Variants in KLK11 observed in about 807,000 individuals in gnomAD.
KLK11 encodes the protein kallikrein related peptidase 11, also known as kallikrein-11.
A neutral mutation model predicts 23.4 loss-of-function variants in KLK11; 10 were observed. The ratio of observed to expected loss-of-function variants is 0.43; its 90% CI spans 0.26 to 0.73. KLK11 has a LOEUF of 0.73. Among genes scored for constraint, KLK11 ranks in the 30% least tolerant of loss-of-function variants. The pLI is 0.22. For synonymous variants in KLK11, 131 were observed against 131.7 expected, an observed-to-expected ratio of 0.99 and a Z score of 0.03; for missense variants, 285 against 327.8, an observed-to-expected ratio of 0.87 and a Z score of 1.01.
chr19:51,023,438 G>T, intron 4 of KLK11: 1 of 520,470 alleles, frequency 1.9e-6, no homozygotes, highest in East Asian at 3.6e-5. Flanking sequence ...AGGCTGGAGT[G>T]CAGTGGCGTG....
At position 51,022,831 on chromosome 19, in the gene KLK11, C is replaced by T. The variant is rs184561565; in HGVS notation, c.601-134G>A. 2.1e-3 allele frequency: 2,221 copies of T among 1,075,248 alleles called. 6 individuals are homozygous for T. Among genetic ancestry groups the T allele is most frequent in the South Asian group, 2.9e-3 (194 of 68,028 alleles). The allele number at this position is 1,075,248 out of a possible 1,614,324, so 66.6% of individuals were successfully genotyped here. A position where few individuals can be genotyped will look rare whatever the true frequency, so the allele number is the denominator to read the frequency against. ...GCACTGGGAAAGGTGATAGGTTTAG[C>T]GATAAAGCTGGGATTATGGGTGGGA... is the stretch of plus-strand genomic sequence containing the variant. On this transcript the variant is annotated intron_variant, in intron 5 of 5. Transcript: ENST00000453757.
rs377099292 is a variant in KLK11, at chr19:51,025,718, G to C, written c.-35-52C>G. ...GCATCACTTTACGGGGAAATCGGGA[G>C]GGGGGGGCTGGCTCATGCCCTCTCC... On this transcript the variant is annotated intron_variant, in intron 1 of 5. Coordinates refer to ENST00000453757, the MANE Select transcript of KLK11 (RefSeq NM_001136032.3). The surrounding 1 kb of genome is among the most constrained non-coding windows in gnomAD (Gnocchi z 6.2). 9 of 708,038 alleles carry C rather than the reference G, an allele frequency of 1.3e-5. No homozygotes were observed. Among genetic ancestry groups the C allele is most frequent in the Admixed American group, 1.1e-4 (4 of 36,084 alleles). The allele number at this position is 708,038 out of a possible 1,614,324, so 43.9% of individuals were successfully genotyped here.
Position 51,025,601 on chromosome 19 carries a change from G to C in KLK11, c.31C>G (p.Leu11Val). Residue 11 changes from leucine (L) to valine (V), a missense_variant, in exon 2 of 6, where the codon CTG (leucine) becomes GTG (valine). Leu to Val is a conservative substitution (Grantham distance 32, BLOSUM62 1). Coordinates refer to ENST00000453757, the MANE Select transcript of KLK11 (RefSeq NM_001136032.3). This position sits in a 1 kb window ranked among gnomAD's most constrained non-coding sequence, Gnocchi z 6.2. Reference sequence around the variant, plus strand: ...CCCATCCCCTGCGTACCTGTTGCCAGAGCAAGCAGGATTAACTGCAGAATC... The same window carrying C: ...CCCATCCCCTGCGTACCTGTTGCCACAGCAAGCAGGATTAACTGCAGAATC... MRILQLILLA[L>V]ATGLVGGETR... The C allele has an allele frequency of 1.3e-6, 2 of 1,583,864 alleles. No homozygotes were observed. The highest frequency in any genetic ancestry group is 1.7e-6 in the Non-Finnish European group (2 of 1,164,380).
chr19:51,026,188 C>T (rs1459103963), intron 1 of KLK11, among the ~76,000 whole-genome samples: 1 of 152,008 alleles, frequency 6.6e-6, no homozygotes, highest in Non-Finnish European at 1.5e-5. Context: ...TCTGGGACCC[C>T]CATCACCCGG....
chr19:51,027,495 C>T (rs145388450), upstream of KLK11: 27 of 1,613,988 alleles, frequency 1.7e-5, no homozygotes, highest in South Asian at 1.3e-4. Context: ...CTTCCAGTCC[C>T]GCAGCCACCT....
In KLK11 at chr19:51,024,453, C is replaced by G. The variant is rs1294396674; in HGVS notation, c.198-143G>C. Reference sequence around the variant, plus strand: ...CTCCCACCGAAGCCCCCTTCCCAGCCATAGCCCCATCCCAACCCCATTCAT... The same window carrying G: ...CTCCCACCGAAGCCCCCTTCCCAGCGATAGCCCCATCCCAACCCCATTCAT... On this transcript the variant is annotated intron_variant, in intron 3 of 5. Coordinates refer to ENST00000453757, the MANE Select transcript of KLK11 (RefSeq NM_001136032.3). This position sits in a 1 kb window ranked among gnomAD's most constrained non-coding sequence, Gnocchi z 6.2. The G allele has an allele frequency of 1.4e-6, 2 of 1,398,048 alleles. No individual in the cohort carries two copies. Among genetic ancestry groups the G allele is most frequent in the African/African-American group, 2.8e-5 (2 of 70,292 alleles). 86.6% of individuals were successfully genotyped at this position (1,398,048 alleles called of 1,614,324 possible).
chr19:51,027,035 T>C (rs570520819), upstream of KLK11: 216 of 175,102 alleles, frequency 1.2e-3, no homozygotes, highest in African/African-American at 4.8e-3. Context: ...CTTTCTCTAA[T>C]TCCTTCTATC....
At chr19:51,023,887 T>G in intron 4 of KLK11, 158 bp downstream of exon 4, 1 of 607,610 alleles carries the variant, frequency 1.6e-6, no homozygotes, top group Middle Eastern at 4.5e-4. Flanking sequence ...AGGCCCCAAC[T>G]TTTGTCCCCA....
At chr19:51,027,470 A>T, upstream of KLK11, 1 of 1,613,486 alleles carries the variant, frequency 6.2e-7, no homozygotes, top group Non-Finnish European at 8.5e-7. Flanking sequence ...CTGCTGTGAG[A>T]CCTCTGCCCG....
chr19:51,024,746 G>A lies in KLK11; in HGVS notation c.89C>T (p.Pro30Leu). Residue 30 changes from proline (P) to leucine (L), a missense_variant, in exon 3 of 6, where the codon CCT (proline) becomes CTT (leucine). By Grantham distance (98) the Pro-to-Leu change is moderately conservative (BLOSUM62 -3). Coordinates refer to ENST00000453757, the MANE Select transcript of KLK11 (RefSeq NM_001136032.3). This position sits in a 1 kb window ranked among gnomAD's most constrained non-coding sequence, Gnocchi z 6.2. ...GGCTGCCTGCCAGGGCTGGGAGTGA[G>A]GCTTGCACTCGAACCCCTTGATGAT... ...TRIIKGFECKPHSQPWQAALF... is the reference protein window; with the variant it reads ...TRIIKGFECKLHSQPWQAALF... 1 of 1,603,286 alleles carries A rather than the reference G, an allele frequency of 6.2e-7. No individual in the cohort carries two copies. Among genetic ancestry groups the A allele is most frequent in the Non-Finnish European group, 8.5e-7 (1 of 1,176,682 alleles).
chr19:51,024,785 C>T lies in KLK11; in HGVS notation c.50G>A (p.Gly17Glu), dbSNP rs3745539. 0.074 allele frequency: 116,898 copies of T among 1,582,502 alleles called. 4,620 individuals are homozygous for T. Among genetic ancestry groups the T allele is most frequent in the East Asian group, 0.12 (4,975 of 42,818 alleles). ...CCCCTTGATGATCCTGGTCTCTCCC[C>T]CTACAAGCCCTGGAGGGGGTGAGAG... ...ILLALATGLV[G>E]GETRIIKGFE... is the part of the protein sequence containing the mutation. Residue 17 changes from glycine to glutamate, a missense_variant, in exon 3 of 6, where the codon GGG becomes GAG. Transcript: ENST00000453757. This position sits in a 1 kb window ranked among gnomAD's most constrained non-coding sequence, Gnocchi z 6.2.
At position 51,025,504 on chromosome 19, in the gene KLK11, C is replaced by G. The variant is rs1183014503; in HGVS notation, c.40+88G>C. ...TATGGGTTGTTCTGTAATTTGGAAT[C>G]AGCCCTGTCACTGTCCAGACACAGA... On this transcript the variant is annotated intron_variant, in intron 2 of 5. Coordinates refer to ENST00000453757, the MANE Select transcript of KLK11 (RefSeq NM_001136032.3). The surrounding 1 kb of genome is among the most constrained non-coding windows in gnomAD (Gnocchi z 6.2). The G allele has an allele frequency of 2.3e-6, 2 of 852,824 alleles. No homozygotes were observed. Among genetic ancestry groups the G allele is most frequent in the Non-Finnish European group, 3.5e-6 (2 of 573,024 alleles). 52.8% of individuals were successfully genotyped at this position (852,824 alleles called of 1,614,324 possible).
Position 51,025,930 on chromosome 19 carries a change from G to A in KLK11, c.-35-264C>T. 3.2e-6 allele frequency: 1 copy of A among 315,466 alleles called. No homozygotes were observed. Among genetic ancestry groups the A allele is most frequent in the Non-Finnish European group, 5.8e-6 (1 of 171,836 alleles). The allele number at this position is 315,466 out of a possible 1,614,324, so 19.5% of individuals were successfully genotyped here. A position where few individuals can be genotyped will look rare whatever the true frequency, so the allele number is the denominator to read the frequency against. On this transcript the variant is annotated intron_variant, in intron 1 of 5. Transcript: ENST00000453757. The surrounding 1 kb of genome is among the most constrained non-coding windows in gnomAD (Gnocchi z 6.2). ...AAGAACCATGTGGAAGTCGTTGGGA[G>A]GGGCTTTGAGCTGTCAAGCCATGGT...
rs747285831 is a variant in KLK11, at chr19:51,025,723, G to A, written c.-35-57C>T. ...ACTTTACGGGGAAATCGGGAGGGGG[G>A]GGCTGGCTCATGCCCTCTCCTCTCT... is the stretch of plus-strand genomic sequence containing the variant. On this transcript the variant is annotated intron_variant, in intron 1 of 5. Coordinates refer to ENST00000453757, the MANE Select transcript of KLK11 (RefSeq NM_001136032.3). This position sits in a 1 kb window ranked among gnomAD's most constrained non-coding sequence, Gnocchi z 6.2. 25 of 700,594 alleles carry A rather than the reference G, an allele frequency of 3.6e-5. No individual in the cohort carries two copies. Among genetic ancestry groups the A allele is most frequent in the Non-Finnish European group, 4.6e-5 (19 of 414,600 alleles). The allele number at this position is 700,594 out of a possible 1,614,324, so 43.4% of individuals were successfully genotyped here. A position where few individuals can be genotyped will look rare whatever the true frequency, so the allele number is the denominator to read the frequency against.
At chr19:51,022,990 A>T in intron 5 of KLK11, 102 bp downstream of exon 5, 1 of 1,302,460 alleles carries the variant, frequency 7.7e-7, no homozygotes, top group Non-Finnish European at 1.1e-6. Flanking sequence ...TGGGAGTTGC[A>T]GGGGTCGGCG....
At position 51,026,579 on chromosome 19, in the gene KLK11, G is replaced by C. The variant is rs2091489594; in HGVS notation, c.-77C>G. 1 of 986,624 alleles carries C rather than the reference G, an allele frequency of 1.0e-6. No individual in the cohort carries two copies. Among genetic ancestry groups the C allele is most frequent in the African/African-American group, 1.7e-5 (1 of 57,230 alleles). The allele number at this position is 986,624 out of a possible 1,614,324, so 61.1% of individuals were successfully genotyped here. ...GCTCTGGGGGCCCAGTGGCGGCGGA[G>C]ACGGCAGTGGCGGCAGCTACAGCAG... is the stretch of plus-strand genomic sequence containing the variant. On this transcript the variant is annotated 5_prime_UTR_variant, in exon 1 of 6. Coordinates refer to ENST00000453757, the MANE Select transcript of KLK11 (RefSeq NM_001136032.3).
In KLK11 at chr19:51,022,640, C is replaced by T; in HGVS notation, c.658G>A (p.Gly220Ser). 2 of 1,613,654 alleles carry T rather than the reference C, an allele frequency of 1.2e-6. No homozygotes were observed. Among genetic ancestry groups the T allele is most frequent in the Non-Finnish European group, 1.7e-6 (2 of 1,180,026 alleles). Residue 220 changes from glycine (G) to serine (S), a missense_variant, in exon 6 of 6, where the codon GGC becomes AGC. Coordinates refer to ENST00000453757, the MANE Select transcript of KLK11 (RefSeq NM_001136032.3). The stretch of plus-strand genomic sequence containing the variant: ...CGGGTGATCGCACACGGATCCTGGC[C>T]CCAGGAGATAATGCCTTGAAGAGAC... The part of the protein sequence containing the change: ...NQSLQGIISW[G>S]QDPCAITRKP...
Position 51,025,724 on chromosome 19 carries a change from G to T in KLK11, c.-35-58C>A, listed in dbSNP as rs112633611. 1.2e-4 allele frequency: 86 copies of T among 696,010 alleles called. No individual in the cohort carries two copies. The highest frequency in any genetic ancestry group is 7.0e-4 in the East Asian group (23 of 32,626). 43.1% of individuals were successfully genotyped at this position (696,010 alleles called of 1,614,324 possible). ...CTTTACGGGGAAATCGGGAGGGGGG[G>T]GCTGGCTCATGCCCTCTCCTCTCTC... On this transcript the variant is annotated intron_variant, in intron 1 of 5. Transcript: ENST00000453757. The surrounding 1 kb of genome is among the most constrained non-coding windows in gnomAD (Gnocchi z 6.2).
upstream of KLK11, chr19:51,027,438 A>T: frequency 6.2e-7 from 1 of 1,613,304 alleles, no homozygotes; most frequent in Non-Finnish European, 8.5e-7. Flanking sequence ...AGGCAGCCCG[A>T]GTCCAGCTGT....
Sources: allele counts gnomAD v4.1 joint callset (sites outside exome capture counted in the v4.1 genomes callset), GRCh38; gene constraint gnomAD v4.1.1; non-coding constraint Gnocchi (gnomAD v3.1); transcripts MANE v1.5; gene names NCBI Gene and HGNC (gene_info 2026-07-23, HGNC 2026-07-21).